Variants in NBAS observed in about 807,000 individuals in gnomAD.
NBAS encodes the protein NBAS subunit of NRZ tethering complex.
NBAS carries 219 observed loss-of-function variants against 302.5 expected under a neutral mutation model. That is an observed-to-expected ratio of 0.72 (90% confidence interval 0.65 to 0.81). The LOEUF is 0.81. NBAS is among the 30% of genes least tolerant of loss of function. The probability of loss-of-function intolerance (pLI) is 0.00; values close to 1 mark genes in which losing one functional copy is unlikely to be tolerated. For missense variants in NBAS, 2,932 were observed against 2,841.6 expected (o/e 1.03, Z -0.72); for synonymous variants, 1,118 against 1,021.6 (o/e 1.09, Z -1.80).
chr2:15,348,094 G>T (rs1319670107), intron 35 of NBAS, among the ~76,000 whole-genome samples: 1 of 152,166 alleles, frequency 6.6e-6, no homozygotes, highest in Non-Finnish European at 1.5e-5. Flanking sequence ...CTGTTAATGT[G>T]TAACACACGG....
chr2:15,322,555 T>C (rs1211185468), intron 38 of NBAS, among the ~76,000 whole-genome samples: 1 of 152,166 alleles, frequency 6.6e-6, no homozygotes, highest in African/African-American at 2.4e-5. Context: ...GATTTGGAAA[T>C]CATTAGCCAT....
chr2:15,538,497 CTG>C, intron 7 of NBAS: 1 of 255,222 alleles, frequency 3.9e-6, no homozygotes, highest in Non-Finnish European at 8.2e-6. Flanking sequence ...ATCAGAATCT[CTG>C]TGAGTAGCGC....
In NBAS at chr2:15,179,132, A is replaced by C; in HGVS notation, c.6712-16T>G. Reference sequence around the variant, plus strand: ...CCTTCACACCCTGAAACCACAGAGCAGGGGTGAGCGAGAACTCCACGACGT... The same window carrying C: ...CCTTCACACCCTGAAACCACAGAGCCGGGGTGAGCGAGAACTCCACGACGT... On this transcript the variant is annotated splice_polypyrimidine_tract_variant and intron_variant, in intron 50 of 51. Coordinates refer to ENST00000281513, the MANE Select transcript of NBAS (RefSeq NM_015909.4). 6.2e-7 allele frequency: 1 copy of C among 1,613,804 alleles called. No individual in the cohort carries two copies. The highest frequency in any genetic ancestry group is 8.5e-7 in the Non-Finnish European group (1 of 1,179,804).
At chr2:15,073,498 A>AAAAAG in the NBAS span, among the ~76,000 whole-genome samples, 3 of 140,834 alleles carry the variant, frequency 2.1e-5, no homozygotes, top group African/African-American at 5.7e-5. Context: ...AAAATAAAAA[A>AAAAAG]TAAAACAATA....
chr2:15,234,814 T>C, intron 45 of NBAS, 67 bp from the exon 46 acceptor site: 2 of 1,504,862 alleles, frequency 1.3e-6, no homozygotes, highest in Non-Finnish European at 1.8e-6. Context: ...ATGCACAAAG[T>C]GAAACATATT....
At chr2:15,277,555 G>A (rs1669642284) in intron 42 of NBAS, among the ~76,000 whole-genome samples, 1 of 152,088 alleles carries the variant, frequency 6.6e-6, no homozygotes, top group Non-Finnish European at 1.5e-5. Flanking sequence ...TAAACTTTCA[G>A]GCTTAAGATT....
chr2:15,133,208 C>G, the NBAS span, among the ~76,000 whole-genome samples: 5 of 152,082 alleles, frequency 3.3e-5, no homozygotes, highest in East Asian at 3.9e-4. Flanking sequence ...TGGGGAAGTT[C>G]ACAGCCTTGT....
the NBAS span, among the ~76,000 whole-genome samples, chr2:14,818,903 T>C: frequency 6.6e-6 from 1 of 152,358 alleles, no homozygotes; most frequent in South Asian, 2.1e-4. Context: ...ATCTACACTT[T>C]CTACCTGGAA....
the NBAS span, among the ~76,000 whole-genome samples, chr2:15,101,952 G>A: frequency 6.6e-6 from 1 of 152,190 alleles, no homozygotes; most frequent in Non-Finnish European, 1.5e-5. Context: ...CCTCTCCATG[G>A]CCTTGTGGGC....
chr2:15,063,088 T>C, the NBAS span, among the ~76,000 whole-genome samples: 5 of 152,232 alleles, frequency 3.3e-5, no homozygotes, highest in Non-Finnish European at 1.5e-5. Context: ...TGTCAATCCT[T>C]GACTCTAAAA....
intron 23 of NBAS, among the ~76,000 whole-genome samples, chr2:15,424,033 T>C (rs1677333013): frequency 6.6e-6 from 1 of 152,216 alleles, no homozygotes; most frequent in Admixed American, 6.5e-5. Flanking sequence ...TATATGGTGT[T>C]AAGCCTACGA....
chr2:15,241,500 T>A (rs1283964835), intron 44 of NBAS, among the ~76,000 whole-genome samples: 1 of 152,166 alleles, frequency 6.6e-6, no homozygotes, highest in Admixed American at 6.5e-5. Context: ...GAACAATACA[T>A]TCAGAAAAGT....
the NBAS span, among the ~76,000 whole-genome samples, chr2:15,085,126 G>A: frequency 6.6e-6 from 1 of 152,222 alleles, no homozygotes; most frequent in Non-Finnish European, 1.5e-5. Flanking sequence ...ACGCAGTTGG[G>A]CAGAGGGACC....
At chr2:15,364,695 A>G (rs1411808200) in intron 32 of NBAS, among the ~76,000 whole-genome samples, 1 of 152,092 alleles carries the variant, frequency 6.6e-6, no homozygotes, top group Non-Finnish European at 1.5e-5. Context: ...AAAGCCCTAT[A>G]TCAGCCCCCA....
chr2:15,553,975 A>G, intron 4 of NBAS, 86 bp downstream of exon 4: 4 of 1,172,094 alleles, frequency 3.4e-6, no homozygotes, highest in Non-Finnish European at 5.1e-6. Context: ...CAAGACTGAA[A>G]GCCACAAGCA....
At chr2:14,984,970 G>A in the NBAS span, among the ~76,000 whole-genome samples, 1 of 152,150 alleles carries the variant, frequency 6.6e-6, no homozygotes, top group Non-Finnish European at 1.5e-5. Flanking sequence ...TGTGCAATTA[G>A]GAAGGTGTCA....
chr2:15,503,674 G>A (rs957314157), intron 11 of NBAS, among the ~76,000 whole-genome samples: 2 of 152,226 alleles, frequency 1.3e-5, no homozygotes, highest in African/African-American at 4.8e-5. Context: ...TAAGTAACAA[G>A]ACAGTAAAAC....
At chr2:15,559,037 TG>T (rs1664781404) in intron 1 of NBAS, among the ~76,000 whole-genome samples, 1 of 112,900 alleles carries the variant, frequency 8.9e-6, no homozygotes, top group African/African-American at 3.4e-5. Context: ...CACTCCAGCC[TG>T]GGTGACAGAG....
the NBAS span, among the ~76,000 whole-genome samples, chr2:14,814,486 G>T: frequency 6.6e-6 from 1 of 152,238 alleles, no homozygotes; most frequent in African/African-American, 2.4e-5. Context: ...CTTTGAAATT[G>T]AATGACTGAG....
Sources: allele counts gnomAD v4.1 joint callset (sites outside exome capture counted in the v4.1 genomes callset), GRCh38; gene constraint gnomAD v4.1.1; transcripts MANE v1.5; gene names NCBI Gene and HGNC (gene_info 2026-07-23, HGNC 2026-07-21).